The following GAK variants were observed in gnomAD, a reference collection of about 807,000 sequenced individuals.
GAK encodes cyclin G associated kinase.
A neutral mutation model predicts 143.9 loss-of-function variants in GAK; 79 were observed. The ratio of observed to expected loss-of-function variants is 0.55; its 90% CI spans 0.46 to 0.66. The LOEUF (loss-of-function observed/expected upper bound fraction) is 0.66, where lower values mean the gene tolerates loss of function less well. Ranked by LOEUF, GAK falls within the 30% of genes least tolerant of loss-of-function variation. The pLI, the probability that GAK is intolerant of heterozygous loss-of-function variation, is 0.00. For synonymous variants in GAK, 881 were observed against 765.5 expected, an observed-to-expected ratio of 1.15 and a Z score of -2.49; for missense variants, 1,693 against 1,779.7, an observed-to-expected ratio of 0.95 and a Z score of 0.88.
chr4:907,727 C>T (rs1468781915), intron 4 of GAK, among the ~76,000 whole-genome samples: 2 of 152,246 alleles, frequency 1.3e-5, no homozygotes, highest in Admixed American at 1.3e-4. Context: ...CCTGAACCTG[C>T]AGCTGCACGG....
chr4:893,887 G>A lies in GAK; in HGVS notation c.864C>T (p.Phe288=). 6.2e-7 allele frequency: 1 copy of A among 1,600,632 alleles called. No homozygotes were observed. Among genetic ancestry groups the A allele is most frequent in the South Asian group, 1.1e-5 (1 of 88,910 alleles). Reference sequence around the variant, plus strand: ...ACCGGGACTTACGGATGAGGCTGTGGAAGACCGTGTACTGCGTGTCGTGCG... The same window carrying A: ...ACCGGGACTTACGGATGAGGCTGTGAAAGACCGTGTACTGCGTGTCGTGCG... ...IPPHDTQYTV[F]HSLIRAMLQV... Residue 288 remains phenylalanine, a synonymous_variant, in exon 8 of 28, where the codon TTC becomes TTT. Coordinates refer to ENST00000314167, the MANE Select transcript of GAK (RefSeq NM_005255.4).
At chr4:883,565 C>G in intron 12 of GAK, 102 bp from the exon 13 acceptor site, 2 of 1,314,490 alleles carry the variant, frequency 1.5e-6, no homozygotes, top group Non-Finnish European at 2.1e-6. Flanking sequence ...CAAGCGCAGC[C>G]TCCGGCAGCT....
At position 893,492 on chromosome 4, in the gene GAK, G is replaced by A. The variant is rs1718089191; in HGVS notation, c.878-3C>T. The A allele has an allele frequency of 1.9e-6, 3 of 1,560,328 alleles. No homozygotes were observed. In the African/African-American group the frequency reaches 4.1e-5, roughly 21 times the overall value. On this transcript the variant is annotated splice_polypyrimidine_tract_variant and splice_region_variant and intron_variant, in intron 8 of 27. Coordinates refer to ENST00000314167, the MANE Select transcript of GAK (RefSeq NM_005255.4). ...CGGGTTCACCTGCAGCATGGCGCCT[G>A]CAGCAGAAGCACAGCGCGCTCGGCC...
intron 1 of GAK, 140 bp from the exon 2 acceptor site, chr4:913,808 G>A (rs150964585): frequency 3.5e-5 from 24 of 683,462 alleles, no homozygotes; most frequent in African/African-American, 1.8e-4. Context: ...TGGCCCCAGC[G>A]TACACGCCCC....
rs1187106039 is a variant in GAK at position 877,511 on chromosome 4, G to A, written c.1856+104C>T. On this transcript the variant is annotated intron_variant, in intron 16 of 27. Coordinates refer to ENST00000314167, the MANE Select transcript of GAK (RefSeq NM_005255.4). ...AGACGCCACAGTTCCAAACACGTCC[G>A]CCTCAGCAAGCGCCTGTCCCCGGCA... The A allele has an allele frequency of 9.0e-6, 11 of 1,216,648 alleles. No homozygotes were observed. The South Asian group carries it at 1.1e-4, about 12-fold the overall frequency. 75.4% of individuals were successfully genotyped at this position (1,216,648 alleles called of 1,614,324 possible).
chr4:882,892 G>C lies in GAK; in HGVS notation c.1405-73C>G, dbSNP rs1715448704. ...CAGCCTTGGTCAGCTAGGAGGGACA[G>C]CCTGCCTGCAGTGCGGGGGCCTCCG... On this transcript the variant is annotated intron_variant, in intron 13 of 27. Coordinates refer to ENST00000314167, the MANE Select transcript of GAK (RefSeq NM_005255.4). The C allele has an allele frequency of 1.9e-6, 3 of 1,571,544 alleles. No homozygotes were observed. In the South Asian group the frequency reaches 3.4e-5, roughly 18 times the overall value.
chr4:922,442 G>C (rs1158770952), intron 1 of GAK, among the ~76,000 whole-genome samples: 3 of 150,314 alleles, frequency 2.0e-5, no homozygotes, highest in Non-Finnish European at 4.4e-5. Flanking sequence ...TTGAACCCAG[G>C]AGGCAGAGGT....
chr4:891,589 G>A (rs997025827), intron 9 of GAK, among the ~76,000 whole-genome samples: 2 of 152,128 alleles, frequency 1.3e-5, no homozygotes, highest in African/African-American at 2.4e-5. Flanking sequence ...GCACTCAGAT[G>A]AGAAGCACTG....
chr4:852,091 G>C (rs1219188591), intron 24 of GAK, 117 bp from the exon 25 acceptor site: 3 of 896,952 alleles, frequency 3.3e-6, no homozygotes, highest in African/African-American at 3.3e-5. Context: ...ATAGAACACC[G>C]ATCACTCGAG....
At chr4:898,406 G>A (rs1481388808) in intron 5 of GAK, among the ~76,000 whole-genome samples, 3 of 152,256 alleles carry the variant, frequency 2.0e-5, no homozygotes, top group African/African-American at 4.8e-5. Flanking sequence ...CCTGAGAAGC[G>A]GGCCCCGAGG....
At chr4:871,612 G>A (rs1712637577) in intron 18 of GAK, among the ~76,000 whole-genome samples, 1 of 151,990 alleles carries the variant, frequency 6.6e-6, no homozygotes, top group Admixed American at 6.5e-5. Flanking sequence ...GCAGAGGTCA[G>A]CAGGGCCTGC....
At chr4:907,480 T>G (rs1721287648) in intron 4 of GAK, among the ~76,000 whole-genome samples, 2 of 152,238 alleles carry the variant, frequency 1.3e-5, no homozygotes, top group East Asian at 1.9e-4. Context: ...TGGGGGTGAC[T>G]TGCCCTCTAC....
intron 23 of GAK, among the ~76,000 whole-genome samples, chr4:860,687 G>A (rs1218740973): frequency 5.4e-5 from 8 of 148,608 alleles, no homozygotes; most frequent in Middle Eastern, 3.6e-3. Context: ...AGGCCCTGGC[G>A]CACCTCGCAC....
intron 18 of GAK, among the ~76,000 whole-genome samples, chr4:873,557 G>A (rs1033051126): frequency 4.6e-5 from 7 of 151,500 alleles, no homozygotes; most frequent in East Asian, 3.9e-4. Context: ...GGAGAGAGGC[G>A]GCCATCAGCG....
intron 18 of GAK, among the ~76,000 whole-genome samples, chr4:875,034 T>C (rs1461951493): frequency 6.6e-6 from 1 of 152,224 alleles, no homozygotes. Context: ...CTCCTTTTTA[T>C]GTTCCAGATC....
intron 19 of GAK, chr4:869,777 C>G (rs908084594): frequency 2.1e-5 from 3 of 145,986 alleles, no homozygotes; most frequent in African/African-American, 7.7e-5. Context: ...CACACGAATG[C>G]ACACACAGCA....
chr4:882,655 C>T, intron 14 of GAK, 42 bp downstream of exon 14: 1 of 1,601,390 alleles, frequency 6.2e-7, no homozygotes, highest in Non-Finnish European at 8.5e-7. Flanking sequence ...AAATAATGAA[C>T]TTTGACAGAA....
chr4:851,352 T>C, intron 25 of GAK: 1 of 447,798 alleles, frequency 2.2e-6, no homozygotes, highest in Non-Finnish European at 4.1e-6. Context: ...CGCCTCAGCC[T>C]CCCAAAGTGC....
intron 22 of GAK, among the ~76,000 whole-genome samples, chr4:865,877 C>T (rs889715980): frequency 9.8e-5 from 15 of 152,370 alleles, no homozygotes; most frequent in African/African-American, 2.9e-4. Context: ...GCCCCACCGG[C>T]GTCTGTCTAA....
Sources: gnomAD v4.1 joint callset for allele counts (sites outside exome capture counted in the v4.1 genomes callset) on GRCh38, gnomAD v4.1.1 for gene constraint, MANE v1.5 for transcripts, NCBI Gene and HGNC (gene_info 2026-07-23, HGNC 2026-07-21) for gene names.